The following MATCAP2 variants were observed in gnomAD, a reference collection of about 807,000 sequenced individuals.
The protein encoded by MATCAP2 is putative tyrosine carboxypeptidase MATCAP2.
At chr7:36,360,593 C>T in the MATCAP2 span, among the ~76,000 whole-genome samples, 46 of 152,074 alleles carry the variant, frequency 3.0e-4, no homozygotes, top group African/African-American at 1.0e-3. Flanking sequence ...TGGTCCTTCA[C>T]GCAACTCATA....
At chr7:36,337,098 C>CAAAAAAAAAAAAAAAA in the MATCAP2 span, among the ~76,000 whole-genome samples, 721 of 18,526 alleles carry the variant, frequency 0.039, 237 homozygotes, top group East Asian at 0.051. Context: ...AACTCCATCT[C>CAAAAAAAAAAAAAAAA]AAAAAAAAAA....
chr7:36,342,079 C>T, the MATCAP2 span, among the ~76,000 whole-genome samples: 2 of 152,108 alleles, frequency 1.3e-5, no homozygotes, highest in African/African-American at 2.4e-5. Flanking sequence ...CAGAACTCCA[C>T]CTTAAACTTT....
the MATCAP2 span, among the ~76,000 whole-genome samples, chr7:36,341,719 C>T: frequency 2.0e-5 from 3 of 152,174 alleles, no homozygotes; most frequent in Non-Finnish European, 2.9e-5. Context: ...ACCTATGCAA[C>T]ATCTGCCTCT....
chr7:36,367,410 T>A, the MATCAP2 span: 3 of 789,624 alleles, frequency 3.8e-6, no homozygotes, highest in Non-Finnish European at 4.3e-6. Context: ...GCGAGCGCGC[T>A]GGGGTCTCCA....
At chr7:36,357,403 T>A in the MATCAP2 span, 19 of 1,614,080 alleles carry the variant, frequency 1.2e-5, no homozygotes, top group Admixed American at 3.2e-4. Context: ...ACTGTTTTTG[T>A]GAATGATACT....
the MATCAP2 span, among the ~76,000 whole-genome samples, chr7:36,337,123 A>AAAAAAAAAAAAAAAAAAAAAAAAAAC: frequency 6.9e-6 from 1 of 145,484 alleles, no homozygotes; most frequent in Non-Finnish European, 1.5e-5. Flanking sequence ...AAAAAAAAAA[A>AAAAAAAAAAAAAAAAAAAAAAAAAAC]AAGCAATCAG....
At chr7:36,367,860 T>G in the MATCAP2 span, among the ~76,000 whole-genome samples, 3 of 152,232 alleles carry the variant, frequency 2.0e-5, no homozygotes, top group East Asian at 5.8e-4. Context: ...GGCCAGGAGT[T>G]GGAGACCAGC....
At chr7:36,373,459 A>G in the MATCAP2 span, among the ~76,000 whole-genome samples, 1 of 152,272 alleles carries the variant, frequency 6.6e-6, no homozygotes, top group Admixed American at 6.5e-5. Flanking sequence ...AAGGAATTGC[A>G]AAGCCAAAAG....
chr7:36,353,311 G>A, the MATCAP2 span, among the ~76,000 whole-genome samples: 1 of 152,074 alleles, frequency 6.6e-6, no homozygotes, highest in Admixed American at 6.6e-5. Context: ...TTGGTGACAG[G>A]GCTAATTTTA....
the MATCAP2 span, among the ~76,000 whole-genome samples, chr7:36,340,913 A>G: frequency 1.3e-5 from 2 of 152,222 alleles, no homozygotes; most frequent in African/African-American, 4.8e-5. Flanking sequence ...AATTTTGGAA[A>G]AAGGAAACAG....
At chr7:36,389,067 C>T in the MATCAP2 span, among the ~76,000 whole-genome samples, 1 of 152,124 alleles carries the variant, frequency 6.6e-6, no homozygotes, top group Non-Finnish European at 1.5e-5. Context: ...GCACCTGAAA[C>T]ACAAGGGCTC....
chr7:36,343,964 G>A, the MATCAP2 span, among the ~76,000 whole-genome samples: 2 of 152,162 alleles, frequency 1.3e-5, no homozygotes, highest in Admixed American at 6.5e-5. Flanking sequence ...TGGTTGCCTG[G>A]AGACACGGTT....
At chr7:36,366,206 T>C in the MATCAP2 span, among the ~76,000 whole-genome samples, 1 of 152,194 alleles carries the variant, frequency 6.6e-6, no homozygotes, top group South Asian at 2.1e-4. Flanking sequence ...AATGTTTGCG[T>C]ACAGAATCAA....
At chr7:36,373,664 T>C in the MATCAP2 span, among the ~76,000 whole-genome samples, 5 of 152,270 alleles carry the variant, frequency 3.3e-5, no homozygotes, top group South Asian at 1.0e-3. Context: ...TAGACTAGTC[T>C]GGGACTCTTG....
the MATCAP2 span, among the ~76,000 whole-genome samples, chr7:36,352,801 G>T: frequency 6.6e-6 from 1 of 151,124 alleles, no homozygotes; most frequent in African/African-American, 2.4e-5. Flanking sequence ...CTCTAGCCTG[G>T]GCAACAGAGT....
the MATCAP2 span, among the ~76,000 whole-genome samples, chr7:36,349,433 T>C: frequency 2.6e-4 from 40 of 152,260 alleles, no homozygotes; most frequent in South Asian, 8.3e-3. Flanking sequence ...AGAAAATAAA[T>C]ACATCTCAGA....
At chr7:36,390,072 C>G in the MATCAP2 span, 1 of 1,613,218 alleles carries the variant, frequency 6.2e-7, no homozygotes, top group Non-Finnish European at 8.5e-7. Context: ...TGCAGCCAGC[C>G]ATGACCCACC....
chr7:36,375,909 G>A, the MATCAP2 span, among the ~76,000 whole-genome samples: 1 of 152,186 alleles, frequency 6.6e-6, no homozygotes, highest in Non-Finnish European at 1.5e-5. Flanking sequence ...ATGGTAGTTT[G>A]TATTTCTGTG....
the MATCAP2 span, among the ~76,000 whole-genome samples, chr7:36,379,847 C>CAGAGAGAG: frequency 7.4e-5 from 8 of 107,696 alleles, no homozygotes; most frequent in South Asian, 9.9e-4. Flanking sequence ...CACACACACA[C>CAGAGAGAG]AGAGAGAGAG....
Sources: allele counts gnomAD v4.1 joint callset (sites outside exome capture counted in the v4.1 genomes callset), GRCh38; gene constraint gnomAD v4.1.1; transcripts MANE v1.5; gene names NCBI Gene and HGNC (gene_info 2026-07-23, HGNC 2026-07-21).